GK5: variants seen among roughly 807,000 people sequenced by gnomAD.
GK5 encodes ATP:glycerol 3-phosphotransferase 5.
A neutral mutation model predicts 77.3 loss-of-function variants in GK5; 39 were observed. The observed-to-expected ratio is 0.50, with a 90% CI of 0.39 to 0.66. The LOEUF (loss-of-function observed/expected upper bound fraction) is 0.66. Among genes scored for constraint, GK5 ranks in the 30% least tolerant of loss-of-function variants. GK5 has a pLI of 0.00. For synonymous variants in GK5, 211 were observed against 208.0 expected (o/e 1.01, Z -0.13); for missense variants, 487 against 633.8 (o/e 0.77, Z 2.49).
chr3:142,182,275 G>A lies in GK5; in HGVS notation c.943+648C>T, dbSNP rs563289950. Among the ~76,000 whole-genome samples the A allele has an allele frequency of 7.2e-5, 11 of 151,860 alleles. No individual in the cohort carries two copies. The South Asian group carries it at 2.1e-3, about 29-fold the overall frequency. The stretch of plus-strand genomic sequence containing the variant: ...TCCATTGCATTGGTCACTAGCTGAG[G>A]ACTACCACTCAAAGAAATTCACAAA... On this transcript the variant is annotated intron_variant, in intron 10 of 15. Transcript: ENST00000392993.
At position 142,182,911 on chromosome 3, in the gene GK5, C is replaced by G; in HGVS notation, c.943+12G>C. 6.3e-7 allele frequency: 1 copy of G among 1,591,378 alleles called. No homozygotes were observed. The highest frequency in any genetic ancestry group is 8.6e-7 in the Non-Finnish European group (1 of 1,160,498). On this transcript the variant is annotated intron_variant, in intron 10 of 15. Coordinates refer to ENST00000392993, the MANE Select transcript of GK5 (RefSeq NM_001039547.3). ...ATTTTATTAATAAATAGGATAAATC[C>G]TAACTACTTACCTCCAGTAGTCTGT...
chr3:142,175,502 T>C (rs1013846387), intron 12 of GK5, among the ~76,000 whole-genome samples: 17 of 152,210 alleles, frequency 1.1e-4, no homozygotes, highest in African/African-American at 4.1e-4. Flanking sequence ...CTTCCTTCCT[T>C]TCATGCCCCA....
intron 3 of GK5, among the ~76,000 whole-genome samples, chr3:142,205,342 G>A (rs977101062): frequency 3.9e-5 from 6 of 152,106 alleles, no homozygotes; most frequent in African/African-American, 1.4e-4. Context: ...TGCGGCTCCC[G>A]CAAATCAACC....
chr3:142,167,390 T>TTA lies in GK5; in HGVS notation c.1442-1621_1442-1620insTA, dbSNP rs1560207903. Among the ~76,000 whole-genome samples, 609 of 151,448 alleles carry TTA rather than the reference T, an allele frequency of 4.0e-3. 10 individuals carry two copies. The highest frequency in any genetic ancestry group is 0.014 in the African/African-American group (572 of 41,246). ...CTCCATCTCAAAAAAAAAAAATTTT[T>TTA]AATTAAAAATAAATAAAGGTATTAA... On this transcript the variant is annotated intron_variant, in intron 15 of 15. Coordinates refer to ENST00000392993, the MANE Select transcript of GK5 (RefSeq NM_001039547.3).
intron 4 of GK5, among the ~76,000 whole-genome samples, chr3:142,199,819 A>G (rs1335396983): frequency 6.6e-6 from 1 of 151,592 alleles, no homozygotes; most frequent in Non-Finnish European, 1.5e-5. Context: ...GTAGATGGAC[A>G]CTTCAACTTG....
intron 3 of GK5, among the ~76,000 whole-genome samples, chr3:142,212,896 C>G (rs2064212176): frequency 7.2e-6 from 1 of 139,196 alleles, no homozygotes; most frequent in Non-Finnish European, 1.5e-5. Flanking sequence ...TGCAGTGGCG[C>G]AATCTCGGCT....
At chr3:142,220,731 T>C (rs527361864) in intron 1 of GK5, among the ~76,000 whole-genome samples, 6 of 152,254 alleles carry the variant, frequency 3.9e-5, no homozygotes, top group Admixed American at 1.3e-4. Flanking sequence ...TCCATAAATA[T>C]AAAGTGAGTA....
At position 142,185,964 on chromosome 3, in the gene GK5, C is replaced by A; in HGVS notation, c.781G>T (p.Glu261Ter). 1 of 1,609,538 alleles carries A rather than the reference C, an allele frequency of 6.2e-7. No individual in the cohort carries two copies. The highest frequency in any genetic ancestry group is 1.1e-5 in the South Asian group (1 of 90,044). Residue 261 changes from glutamate to a stop codon, truncating the protein, a stop_gained, in exon 9 of 16, where the codon GAG (glutamate) becomes TAG (stop). Transcript: ENST00000392993. LOFTEE classifies it high-confidence loss of function. ...TSHNFGSVDE[E>*]IFGVPIPIVA... ...ATTGGTATAGGCACACCAAATATCTCTTCATCCACTGATCCAAAATTGTGG... is the reference window on the plus strand; with the variant it reads ...ATTGGTATAGGCACACCAAATATCTATTCATCCACTGATCCAAAATTGTGG...
intron 5 of GK5, among the ~76,000 whole-genome samples, chr3:142,196,518 T>C (rs2107786114): frequency 6.6e-6 from 1 of 152,294 alleles, no homozygotes; most frequent in East Asian, 1.9e-4. Flanking sequence ...ATGTTGTATC[T>C]TATTTTCATT....
At chr3:142,210,458 A>G (rs890995377) in intron 3 of GK5, among the ~76,000 whole-genome samples, 2 of 152,088 alleles carry the variant, frequency 1.3e-5, no homozygotes, top group Non-Finnish European at 2.9e-5. Context: ...TGTCAGCATC[A>G]TACACCACAT....
At chr3:142,184,055 A>G (rs2063731701) in intron 9 of GK5, among the ~76,000 whole-genome samples, 2 of 151,718 alleles carry the variant, frequency 1.3e-5, no homozygotes, top group East Asian at 1.9e-4. Flanking sequence ...TCAGGAGATC[A>G]AGACCATCCT....
At position 142,220,410 on chromosome 3, in the gene GK5, C is replaced by T. The variant is rs926262414; in HGVS notation, c.148-4718G>A. 5.2e-4 allele frequency among the ~76,000 whole-genome samples: 79 copies of T among 152,340 alleles called. No homozygotes were observed. In the East Asian group the frequency reaches 6.7e-3, roughly 13 times the overall value. On this transcript the variant is annotated intron_variant, in intron 1 of 15. Transcript: ENST00000392993. The stretch of plus-strand genomic sequence containing the variant: ...TCAGCCTCCCAAAGTGCTAGGATTA[C>T]AGGCGTCAGCCACCGCGTCTGGCAA...
In GK5 at chr3:142,186,225, G is replaced by A; in HGVS notation, c.724C>T (p.Leu242Phe). 3 of 1,605,336 alleles carry A rather than the reference G, an allele frequency of 1.9e-6. No homozygotes were observed. Among genetic ancestry groups the A allele is most frequent in the Non-Finnish European group, 2.6e-6 (3 of 1,172,176 alleles). Reference protein sequence around the residue: ...GMITSLISIPLSLLPPVRDTS... With the variant: ...GMITSLISIPFSLLPPVRDTS... The stretch of plus-strand genomic sequence containing the variant: ...TCCCTCACAGGAGGTAGGAGAGAAA[G>A]TGGTATCGAAATTAGAGAGGTAATC... The change falls in exon 8 of 16, where the codon CTT becomes TTT. Residue 242 changes from leucine (L) to phenylalanine (F), a missense_variant. Around this residue, in one of 4 missense-constraint regions of GK5, gnomAD observed 323 missense variants for 437.4 expected, o/e 0.74. Transcript: ENST00000392993.
chr3:142,217,967 G>C (rs1242857509), intron 1 of GK5, among the ~76,000 whole-genome samples: 1 of 151,522 alleles, frequency 6.6e-6, no homozygotes, highest in Non-Finnish European at 1.5e-5. Context: ...CGTTGAAAAA[G>C]AATAAAGTCA....
chr3:142,204,729 A>G lies in GK5; in HGVS notation c.377T>C (p.Leu126Pro). Reference protein sequence around the residue: ...ISWQDLRAVELVKSWNNSLLM... With the variant: ...ISWQDLRAVEPVKSWNNSLLM... ...AAGAGAATTATTCCAAGATTTTACA[A>G]GTTCAACAGCTCTTAAGTCTTGCCA... Residue 126 changes from leucine to proline, a missense_variant, in exon 4 of 16, where the codon CTT becomes CCT. Transcript: ENST00000392993. 6.3e-7 allele frequency: 1 copy of G among 1,585,788 alleles called. No homozygotes were observed. The highest frequency in any genetic ancestry group is 8.7e-7 in the Non-Finnish European group (1 of 1,156,040).
intron 15 of GK5, among the ~76,000 whole-genome samples, chr3:142,169,780 C>A (rs1464436425): frequency 1.3e-5 from 2 of 149,596 alleles, no homozygotes; most frequent in Non-Finnish European, 3.0e-5. Context: ...TCAAGCAATT[C>A]TCCTGTCTCA....
At chr3:142,172,110 A>T (rs540605080) in intron 13 of GK5, among the ~76,000 whole-genome samples, 23 of 152,250 alleles carry the variant, frequency 1.5e-4, no homozygotes, top group South Asian at 1.0e-3. Context: ...TGAATTTTTT[A>T]AAAAAATCCT....
intron 5 of GK5, among the ~76,000 whole-genome samples, chr3:142,192,655 T>C (rs1193359242): frequency 1.3e-5 from 2 of 151,824 alleles, no homozygotes; most frequent in Non-Finnish European, 2.9e-5. Context: ...TCTCAGCTAC[T>C]TGGGAGGCTG....
At chr3:142,197,143 C>T (rs767855114) in intron 5 of GK5, among the ~76,000 whole-genome samples, 18 of 151,840 alleles carry the variant, frequency 1.2e-4, no homozygotes, top group East Asian at 5.8e-4. Context: ...GCCGAGAGCA[C>T]GCCACTGCAC....
Sources: allele counts gnomAD v4.1 joint callset (sites outside exome capture counted in the v4.1 genomes callset), GRCh38; gene constraint gnomAD v4.1.1; regional missense constraint gnomAD v4.1.1; transcripts MANE v1.5; gene names NCBI Gene and HGNC (gene_info 2026-07-23, HGNC 2026-07-21).